CACNA1B: variants seen among roughly 807,000 people sequenced by gnomAD.
The protein encoded by CACNA1B is voltage-dependent N-type calcium channel subunit alpha-1B.
A neutral mutation model predicts 247.2 loss-of-function variants in CACNA1B; 70 were observed. The ratio of observed to expected loss-of-function variants is 0.28; its 90% CI spans 0.23 to 0.35. The LOEUF is 0.35. CACNA1B is among the 10% of genes least tolerant of loss of function. The pLI is 1.00. For missense variants in CACNA1B, 2,367 were observed against 3,197.4 expected (o/e 0.74, Z 6.26); for synonymous variants, 1,231 against 1,294.4 (o/e 0.95, Z 1.05).
intron 2 of CACNA1B, 118 bp downstream of exon 2, chr9:137,879,277 G>A (rs1956884512): frequency 3.1e-6 from 2 of 653,208 alleles, no homozygotes; most frequent in Non-Finnish European, 5.3e-6. Context: ...AGTGCCCCTC[G>A]CGTCTGAAGG....
rs946909284 is a variant in CACNA1B at position 138,050,423 on chromosome 9, G to A, written c.3710+1108G>A. Among the ~76,000 whole-genome samples, 3 of 152,230 alleles carry A rather than the reference G, an allele frequency of 2.0e-5. No homozygotes were observed. The highest frequency in any genetic ancestry group is 2.1e-4 in the South Asian group (1 of 4,830). The stretch of plus-strand genomic sequence containing the variant: ...CACCTGTGGCCACAGCCCGAGGACC[G>A]GGGACATCGCGAGGCGCTCCCGGTG... On this transcript the variant is annotated intron_variant, in intron 24 of 46. Coordinates refer to ENST00000371372, the MANE Select transcript of CACNA1B (RefSeq NM_000718.4). The surrounding 1 kb of genome is among the most constrained non-coding windows in gnomAD (Gnocchi z 5.2).
At position 138,059,616 on chromosome 9, in the gene CACNA1B, A is replaced by T. The variant is rs763594329; in HGVS notation, c.4585-38A>T. The T allele has an allele frequency of 5.7e-6, 7 of 1,222,120 alleles. No homozygotes were observed. The South Asian group carries it at 8.4e-5, about 15-fold the overall frequency. The allele number at this position is 1,222,120 out of a possible 1,614,324, so 75.7% of individuals were successfully genotyped here. A position where few individuals can be genotyped will look rare whatever the true frequency, so the allele number is the denominator to read the frequency against. On this transcript the variant is annotated intron_variant, in intron 30 of 46. Coordinates refer to ENST00000371372, the MANE Select transcript of CACNA1B (RefSeq NM_000718.4). The surrounding 1 kb of genome is among the most constrained non-coding windows in gnomAD (Gnocchi z 4.2). ...ATACCTCTTTGCCAACAGAGCCCTC[A>T]TCAGCCGCTGGCACTAACTGCTCTT...
intron 6 of CACNA1B, among the ~76,000 whole-genome samples, chr9:137,925,027 G>A (rs1190944293): frequency 1.3e-5 from 2 of 152,226 alleles, no homozygotes; most frequent in Non-Finnish European, 1.5e-5. Flanking sequence ...GCTCTTGTCC[G>A]ACCCGTGTCT....
chr9:138,107,305 G>A (rs1482458541), intron 39 of CACNA1B, among the ~76,000 whole-genome samples: 12 of 151,100 alleles, frequency 7.9e-5, no homozygotes, highest in Admixed American at 5.9e-4. Flanking sequence ...GGAGTGCAGT[G>A]GTGCAGTCAC....
At chr9:138,027,844 G>A (rs1327449835) in intron 20 of CACNA1B, among the ~76,000 whole-genome samples, 2 of 151,922 alleles carry the variant, frequency 1.3e-5, no homozygotes, top group African/African-American at 4.8e-5. Context: ...AACATTTTTT[G>A]TAGGATTTTT....
At chr9:138,077,029 A>G (rs1175621335) in intron 35 of CACNA1B, among the ~76,000 whole-genome samples, 2 of 152,246 alleles carry the variant, frequency 1.3e-5, no homozygotes, top group Non-Finnish European at 2.9e-5. Flanking sequence ...CGGAAGACTT[A>G]AGGCAAACCT....
At chr9:138,049,132 G>A in intron 23 of CACNA1B, 77 bp from the exon 24 acceptor site, 1 of 970,504 alleles carries the variant, frequency 1.0e-6, no homozygotes, top group East Asian at 2.4e-5. Context: ...TGAGATTACA[G>A]GCATGAGCCT....
intron 35 of CACNA1B, among the ~76,000 whole-genome samples, 164 bp downstream of exon 35, chr9:138,076,074 GCTC>G (rs1237628440): frequency 2.0e-5 from 3 of 152,132 alleles, no homozygotes; most frequent in African/African-American, 7.2e-5. Flanking sequence ...CCCTCTCTCT[GCTC>G]CTCTTTTCCA....
intron 39 of CACNA1B, among the ~76,000 whole-genome samples, chr9:138,106,250 G>A (rs1289701950): frequency 6.6e-6 from 1 of 152,166 alleles, no homozygotes; most frequent in Non-Finnish European, 1.5e-5. Flanking sequence ...GAAGGAGCCT[G>A]TAGTGTGTTC....
At chr9:137,987,109 T>A (rs1259260403) in intron 15 of CACNA1B, among the ~76,000 whole-genome samples, 1 of 152,194 alleles carries the variant, frequency 6.6e-6, no homozygotes, top group Non-Finnish European at 1.5e-5. Context: ...CAAGTGTAGT[T>A]CCCGGGGGGC....
Position 138,057,844 on chromosome 9 carries a change from G to A in CACNA1B, c.4081G>A (p.Val1361Met). The A allele has an allele frequency of 6.2e-7, 1 of 1,606,050 alleles. No homozygotes were observed. Among genetic ancestry groups the A allele is most frequent in the Non-Finnish European group, 8.5e-7 (1 of 1,173,508 alleles). Residue 1361 changes from valine (V) to methionine (M), a missense_variant, in exon 27 of 47, where the codon GTG (valine) becomes ATG (methionine). By Grantham distance (21) the Val-to-Met change is conservative. This residue lies in a region of CACNA1B where 436 missense variants were observed against 679.5 expected (regional missense o/e 0.64). Coordinates refer to ENST00000371372, the MANE Select transcript of CACNA1B (RefSeq NM_000718.4). This position sits in a 1 kb window ranked among gnomAD's most constrained non-coding sequence, Gnocchi z 4.0. Reference sequence around the variant, plus strand: ...CTGGGCTCTGCTGACGCTGTTCACAGTGTCCACGGGAGAAGGCTGGCCCAT... The same window carrying A: ...CTGGGCTCTGCTGACGCTGTTCACAATGTCCACGGGAGAAGGCTGGCCCAT... ...VLWALLTLFT[V>M]STGEGWPMVL...
intron 36 of CACNA1B, among the ~76,000 whole-genome samples, chr9:138,089,076 A>G (rs1960797753): frequency 6.6e-6 from 1 of 151,826 alleles, no homozygotes; most frequent in Non-Finnish European, 1.5e-5. Flanking sequence ...GTTCTTCTCA[A>G]GCTCTTCTAG....
At chr9:137,962,608 G>T (rs377240356) in intron 10 of CACNA1B, among the ~76,000 whole-genome samples, 1 of 152,104 alleles carries the variant, frequency 6.6e-6, no homozygotes, top group African/African-American at 2.4e-5. Context: ...TAGTTTCAAA[G>T]AACTTTTTGA....
chr9:137,943,893 G>C (rs1957763342), intron 6 of CACNA1B, among the ~76,000 whole-genome samples: 1 of 152,202 alleles, frequency 6.6e-6, no homozygotes, highest in Admixed American at 6.5e-5. Context: ...GCACAGTCAT[G>C]AGTTTGCCCA....
chr9:137,951,744 G>A (rs1388486761), intron 6 of CACNA1B, among the ~76,000 whole-genome samples: 3 of 152,252 alleles, frequency 2.0e-5, no homozygotes, highest in South Asian at 2.1e-4. Flanking sequence ...AGTGCTGGGC[G>A]CTGTCTCAGG....
intron 12 of CACNA1B, among the ~76,000 whole-genome samples, chr9:137,979,597 C>T (rs975973264): frequency 6.6e-6 from 1 of 152,108 alleles, no homozygotes; most frequent in Admixed American, 6.5e-5. Context: ...CTGGGGCCAT[C>T]GAAGAGGCTG....
At chr9:138,076,425 C>T (rs1960322481) in intron 35 of CACNA1B, among the ~76,000 whole-genome samples, 1 of 152,234 alleles carries the variant, frequency 6.6e-6, no homozygotes, top group South Asian at 2.1e-4. Context: ...AACTGCCGAT[C>T]TGAACACACC....
intron 3 of CACNA1B, among the ~76,000 whole-genome samples, chr9:137,911,183 TG>T (rs1957355808): frequency 6.6e-6 from 1 of 152,318 alleles, no homozygotes; most frequent in Non-Finnish European, 1.5e-5. Context: ...GGTTTATTTC[TG>T]GGTTATTATT....
At chr9:138,117,289 G>T (rs76791110) in intron 42 of CACNA1B, among the ~76,000 whole-genome samples, 316 of 8,732 alleles carry the variant, frequency 0.036, 3 homozygotes, top group African/African-American at 0.063. Context: ...TGGCTTGGGG[G>T]GGGGGTCAGA....
Sources: allele counts gnomAD v4.1 joint callset (sites outside exome capture counted in the v4.1 genomes callset), GRCh38; gene constraint gnomAD v4.1.1; regional missense constraint gnomAD v4.1.1; non-coding constraint Gnocchi (gnomAD v3.1); transcripts MANE v1.5; gene names NCBI Gene and HGNC (gene_info 2026-07-23, HGNC 2026-07-21).